The following CUL4B variants were observed in gnomAD, a reference collection of about 807,000 sequenced individuals.
CUL4B encodes cullin-4B.
Under a neutral mutation model 69.2 loss-of-function variants are expected in CUL4B, and 1 was observed. The ratio of observed to expected loss-of-function variants is 0.01; its 90% confidence interval spans 0.01 to 0.07. CUL4B has a LOEUF of 0.07. Among genes scored for constraint, CUL4B ranks in the 10% least tolerant of loss-of-function variants. The pLI is 1.00. For missense variants in CUL4B, 328 were observed against 638.8 expected (o/e 0.51, Z 5.24); for synonymous variants, 237 against 223.2 (o/e 1.06, Z -0.55).
intron 16 of CUL4B, 114 bp downstream of exon 16, chrX:120,535,704 CAAAAAAAAAAAA>C (rs71820203): frequency 1.1e-5 from 2 of 189,765 alleles, no homozygotes; most frequent in Admixed American, 1.0e-4. Flanking sequence ...GACTCTGTCT[CAAAAAAAAAAAA>C]AAAAAAAAAA....
At chrX:120,556,272 G>A (rs1409497958) in intron 2 of CUL4B, among the ~76,000 whole-genome samples, 5 of 111,494 alleles carry the variant, frequency 4.5e-5, no homozygotes, top group East Asian at 5.6e-4. Context: ...ATGTTACACG[G>A]CATTATTACT....
intron 10 of CUL4B, among the ~76,000 whole-genome samples, chrX:120,541,073 A>C (rs1224758092): frequency 3.5e-5 from 4 of 112,738 alleles, no homozygotes; most frequent in Non-Finnish European, 7.5e-5. Flanking sequence ...TTACTGCTTT[A>C]AGTGGTAGAG....
chrX:120,553,860 C>T (rs1182343213), intron 2 of CUL4B, among the ~76,000 whole-genome samples: 2 of 111,887 alleles, frequency 1.8e-5, no homozygotes, highest in East Asian at 5.6e-4. Context: ...AGTAAAAAAA[C>T]TCACACCAAA....
upstream of CUL4B, among the ~76,000 whole-genome samples, chrX:120,564,707 A>G (rs1216725723): frequency 1.8e-5 from 2 of 112,802 alleles, no homozygotes; most frequent in African/African-American, 6.4e-5. Context: ...TATTCTGTAC[A>G]CCCAAATGTT....
chrX:120,548,252 G>A (rs898814578), intron 2 of CUL4B, among the ~76,000 whole-genome samples: 2 of 110,345 alleles, frequency 1.8e-5, no homozygotes, highest in Admixed American at 9.7e-5. Context: ...CTAGCCTGGG[G>A]ACAAAGTGAG....
rs762918169 is a variant in CUL4B at position 120,526,669 on chromosome X, G to T, written c.*92C>A. ...ATTACACTGCTTCATTTGGTCATCGGTAGTAAAAAAGGAGTCAAATAATAT... is the reference window on the plus strand; with the variant it reads ...ATTACACTGCTTCATTTGGTCATCGTTAGTAAAAAAGGAGTCAAATAATAT... On this transcript the variant is annotated 3_prime_UTR_variant, in exon 20 of 20. Transcript: ENST00000371322. 2.3e-5 allele frequency: 13 copies of T among 571,381 alleles called. No individual in the cohort carries two copies. The highest frequency in any genetic ancestry group is 3.9e-5 in the Non-Finnish European group (13 of 335,573). 47.1% of individuals were successfully genotyped at this position (571,381 alleles called of 1,213,427 possible).
intron 8 of CUL4B, among the ~76,000 whole-genome samples, chrX:120,543,499 CACACACACA>C (rs1241669148): frequency 7.0e-5 from 1 of 14,301 alleles, no homozygotes; most frequent in Admixed American, 1.0e-3. Flanking sequence ...CTTCTAAACA[CACACACACA>C]CACACACACA....
chrX:120,559,936 C>T (rs2093495858), intron 1 of CUL4B, 147 bp downstream of exon 1: 1 of 1,143,977 alleles, frequency 8.7e-7, no homozygotes, highest in African/African-American at 1.8e-5. Context: ...AACCCTCCAC[C>T]AAAAAAGGAC....
rs1923360522 is a variant in CUL4B at position 120,532,216 on chromosome X, T to C, written c.2439+206A>G. 3 of 374,748 alleles carry C rather than the reference T, an allele frequency of 8.0e-6. No individual in the cohort carries two copies. In the South Asian group the frequency reaches 1.5e-4, roughly 19 times the overall value. 30.9% of individuals were successfully genotyped at this position (374,748 alleles called of 1,213,427 possible). On this transcript the variant is annotated intron_variant, in intron 18 of 19. Transcript: ENST00000371322. ...AATACTAAATAAACAAAGTAAGATATGAAACTATGTTGAGTATCATCTCAA... is the reference window on the plus strand; with the variant it reads ...AATACTAAATAAACAAAGTAAGATACGAAACTATGTTGAGTATCATCTCAA...
chrX:120,560,413 C>A lies in CUL4B; in HGVS notation c.226G>T (p.Ala76Ser). ...STPPLQPRDS[A>S]SPSTSSFCLG... is the part of the protein sequence containing the mutation. ...CAGAAGGACGAGGTTGAAGGGGATG[C>A]CGAATCCCTGGGTTGTAAAGGAGGA... The change falls in exon 1 of 20, where the codon GCA becomes TCA. Residue 76 changes from alanine (A) to serine (S), a missense_variant. Physicochemically the swap from Ala to Ser is moderately conservative, Grantham distance 99. Coordinates refer to ENST00000371322, the MANE Select transcript of CUL4B (RefSeq NM_001079872.2). 1 of 1,208,946 alleles carries A rather than the reference C, an allele frequency of 8.3e-7. No homozygotes were observed.
At chrX:120,569,490 A>G (rs1311871556), downstream of CUL4B, among the ~76,000 whole-genome samples, 2 of 109,059 alleles carry the variant, frequency 1.8e-5, no homozygotes, top group Non-Finnish European at 3.8e-5. Context: ...CCTCCGGAGT[A>G]GCTGGGACTA....
At chrX:120,530,012 C>T (rs1315364488) in intron 19 of CUL4B, 90 bp downstream of exon 19, 17 of 954,186 alleles carry the variant, frequency 1.8e-5, no homozygotes, top group Admixed American at 2.3e-5. Context: ...ATGGTCATGA[C>T]GCTTTATGTT....
intron 3 of CUL4B, among the ~76,000 whole-genome samples, 165 bp from the exon 4 acceptor site, chrX:120,546,781 A>C (rs759913859): frequency 8.9e-6 from 1 of 112,231 alleles, no homozygotes; most frequent in South Asian, 3.7e-4. Context: ...AAAAGAAAAA[A>C]AAAACATAGT....
At chrX:120,536,052 T>G in intron 15 of CUL4B, 109 bp from the exon 16 acceptor site, 3 of 533,244 alleles carry the variant, frequency 5.6e-6, no homozygotes, top group Non-Finnish European at 1.0e-5. Context: ...TAAGACTATA[T>G]CCAGTAGGTC....
intron 18 of CUL4B, among the ~76,000 whole-genome samples, chrX:120,531,246 T>C (rs1353311237): frequency 1.8e-5 from 2 of 108,183 alleles, no homozygotes; most frequent in Admixed American, 1.0e-4. Flanking sequence ...CGCTTGAACC[T>C]GGAAGGCGGA....
Position 120,540,366 on chromosome X carries a change from A to G in CUL4B, c.1636+4T>C. On this transcript the variant is annotated splice_donor_region_variant and intron_variant, in intron 11 of 19. Transcript: ENST00000371322. The stretch of plus-strand genomic sequence containing the variant: ...ACAACTGGAAAAAGGACTGGAAAAC[A>G]TACCTATAAGTTCAGCTGGTTTATT... 1.7e-6 allele frequency: 2 copies of G among 1,202,136 alleles called. No individual in the cohort carries two copies. The highest frequency in any genetic ancestry group is 2.3e-6 in the Non-Finnish European group (2 of 886,812).
Position 120,544,099 on chromosome X carries a change from A to G in CUL4B, c.1173+15T>C. On this transcript the variant is annotated intron_variant, in intron 7 of 19. Coordinates refer to ENST00000371322, the MANE Select transcript of CUL4B (RefSeq NM_001079872.2). The stretch of plus-strand genomic sequence containing the variant: ...GAGAGACAGTGAGAATTTATTAGTC[A>G]TGATTTTTAAATACCTCTCTTTCTT... 9.3e-7 allele frequency: 1 copy of G among 1,079,562 alleles called. No individual in the cohort carries two copies. Among genetic ancestry groups the G allele is most frequent in the Non-Finnish European group, 1.3e-6 (1 of 775,809 alleles). The allele number at this position is 1,079,562 out of a possible 1,213,427, so 89.0% of individuals were successfully genotyped here.
At chrX:120,534,402 A>T in intron 17 of CUL4B, 79 bp downstream of exon 17, 2 of 702,484 alleles carry the variant, frequency 2.8e-6, no homozygotes, top group Non-Finnish European at 2.3e-6. Context: ...GAGGCAAGGA[A>T]TTATTCCTAT....
intron 10 of CUL4B, among the ~76,000 whole-genome samples, chrX:120,541,096 T>C (rs1225133693): frequency 8.9e-6 from 1 of 112,673 alleles, no homozygotes; most frequent in Non-Finnish European, 1.9e-5. Flanking sequence ...AGAAATTATG[T>C]CAGCCATCAA....
Sources: allele counts gnomAD v4.1 joint callset (sites outside exome capture counted in the v4.1 genomes callset), GRCh38; gene constraint gnomAD v4.1.1; transcripts MANE v1.5; gene names NCBI Gene and HGNC (gene_info 2026-07-23, HGNC 2026-07-21).